The following CSMD1 variants were observed in gnomAD, a reference collection of about 807,000 sequenced individuals.
CSMD1 encodes the protein CUB and Sushi multiple domains 1, also known as CUB and sushi domain-containing protein 1.
Under a neutral mutation model 417.5 loss-of-function variants are expected in CSMD1, and 213 were observed. That is an observed-to-expected ratio of 0.51 (90% confidence interval 0.46 to 0.57). CSMD1 has a LOEUF of 0.57. Ranked by LOEUF, CSMD1 falls within the 20% of genes least tolerant of loss-of-function variation. CSMD1 has a pLI of 0.00. For synonymous variants in CSMD1, 2,862 were observed against 1,736.8 expected, an observed-to-expected ratio of 1.65 and a Z score of -16.11; for missense variants, 6,923 against 4,529.7, an observed-to-expected ratio of 1.53 and a Z score of -15.17.
intron 1 of CSMD1, among the ~76,000 whole-genome samples, chr8:4,826,379 A>G (rs764958580): frequency 8.5e-5 from 13 of 152,258 alleles, no homozygotes; most frequent in Admixed American, 3.3e-4. Context: ...AAAAGACGCA[A>G]TCCTGCATAT....
chr8:3,268,797 T>G (rs1801625639), intron 26 of CSMD1, among the ~76,000 whole-genome samples: 2 of 152,282 alleles, frequency 1.3e-5, no homozygotes, highest in African/African-American at 4.8e-5. Context: ...TCAGAAAATT[T>G]TATGCCCAGG....
chr8:4,960,582 G>A (rs1005715972), intron 1 of CSMD1, among the ~76,000 whole-genome samples: 1 of 152,160 alleles, frequency 6.6e-6, no homozygotes, highest in Non-Finnish European at 1.5e-5. Flanking sequence ...ATACACAATA[G>A]ATAGAATAAT....
chr8:4,425,404 C>A (rs951943445), intron 2 of CSMD1, among the ~76,000 whole-genome samples: 6 of 150,224 alleles, frequency 4.0e-5, no homozygotes, highest in Non-Finnish European at 8.9e-5. Flanking sequence ...AAAATAGAGT[C>A]CAACATTAGT....
At chr8:3,496,019 G>C (rs71521867) in intron 10 of CSMD1, among the ~76,000 whole-genome samples, 8,397 of 152,168 alleles carry the variant, frequency 0.055, 263 homozygotes, top group African/African-American at 0.082. Flanking sequence ...TAGGTATTAA[G>C]CCCAGCATGC....
chr8:3,843,468 A>C (rs1469273779), intron 5 of CSMD1, among the ~76,000 whole-genome samples: 1 of 152,208 alleles, frequency 6.6e-6, no homozygotes, highest in Non-Finnish European at 1.5e-5. Flanking sequence ...CAAAATGACA[A>C]ATTACACTCG....
At chr8:4,310,753 G>C (rs1018383737) in intron 3 of CSMD1, among the ~76,000 whole-genome samples, 3 of 152,260 alleles carry the variant, frequency 2.0e-5, no homozygotes, top group East Asian at 1.9e-4. Flanking sequence ...CCAGCATGGA[G>C]AGGGAGACTG....
At chr8:4,606,621 G>C (rs544522534) in intron 2 of CSMD1, among the ~76,000 whole-genome samples, 4 of 152,260 alleles carry the variant, frequency 2.6e-5, no homozygotes, top group African/African-American at 9.6e-5. Context: ...GCAAAACGGA[G>C]ACAAATATGG....
intron 3 of CSMD1, among the ~76,000 whole-genome samples, chr8:4,135,753 G>T (rs1024070811): frequency 1.3e-5 from 2 of 152,084 alleles, no homozygotes; most frequent in African/African-American, 4.8e-5. Flanking sequence ...GAATTGCTGT[G>T]TAAACTAGAA....
chr8:3,210,374 G>T (rs368803874), intron 30 of CSMD1, among the ~76,000 whole-genome samples: 25 of 41,250 alleles, frequency 6.1e-4, no homozygotes, highest in African/African-American at 1.9e-3. Context: ...TTCAGACATG[G>T]AAACTGAAAC....
chr8:3,083,360 A>T (rs1190630874), intron 49 of CSMD1, among the ~76,000 whole-genome samples: 1 of 151,684 alleles, frequency 6.6e-6, no homozygotes, highest in Non-Finnish European at 1.5e-5. Flanking sequence ...TTTTAACACC[A>T]GAGGAAAAGA....
intron 5 of CSMD1, among the ~76,000 whole-genome samples, chr8:3,891,420 C>T (rs765807237): frequency 1.3e-5 from 2 of 152,178 alleles, no homozygotes; most frequent in Middle Eastern, 3.4e-3. Flanking sequence ...TGGCTCACGC[C>T]TACAAACCCA....
At chr8:4,854,597 T>C (rs1312787279) in intron 1 of CSMD1, among the ~76,000 whole-genome samples, 2 of 152,154 alleles carry the variant, frequency 1.3e-5, no homozygotes, top group Admixed American at 6.5e-5. Context: ...ATTGCCTCAC[T>C]TGGGAAGCGG....
intron 5 of CSMD1, among the ~76,000 whole-genome samples, chr8:3,969,363 G>A (rs1033120626): frequency 6.6e-6 from 1 of 152,176 alleles, no homozygotes; most frequent in Non-Finnish European, 1.5e-5. Flanking sequence ...ATCACAGAAT[G>A]CTCAGAAGCT....
chr8:3,989,393 A>G (rs531174655), intron 5 of CSMD1, among the ~76,000 whole-genome samples: 3 of 152,312 alleles, frequency 2.0e-5, no homozygotes, highest in Admixed American at 6.5e-5. Flanking sequence ...TGAAAAAACG[A>G]CAGAGGACAT....
At chr8:3,678,591 G>C (rs1403682566) in intron 7 of CSMD1, among the ~76,000 whole-genome samples, 1 of 152,154 alleles carries the variant, frequency 6.6e-6, no homozygotes, top group Non-Finnish European at 1.5e-5. Flanking sequence ...GGGGAGAATG[G>C]AAACAAGTTG....
intron 5 of CSMD1, among the ~76,000 whole-genome samples, chr8:3,930,747 G>C (rs1471797327): frequency 2.7e-5 from 4 of 150,404 alleles, no homozygotes; most frequent in African/African-American, 9.8e-5. Flanking sequence ...TTATGTTCAA[G>C]TGCTACTTCT....
Position 3,753,997 on chromosome 8 carries a change from A to G in CSMD1, c.864T>C (p.Asn288=), listed in dbSNP as rs1797513964. The G allele has an allele frequency of 2.5e-6, 4 of 1,613,344 alleles. No individual in the cohort carries two copies. Among genetic ancestry groups the G allele is most frequent in the Non-Finnish European group, 3.4e-6 (4 of 1,179,508 alleles). Residue 288 remains asparagine (N), a synonymous_variant, in exon 6 of 70, where the codon AAT becomes AAC. Coordinates refer to ENST00000635120, the MANE Select transcript of CSMD1 (RefSeq NM_033225.6). Reference sequence around the variant, plus strand: ...CAGAGGTGAAATGGAGTCGTAGCCAATTCTTGCTACTGATAACTGGAGAGG... The same window carrying G: ...CAGAGGTGAAATGGAGTCGTAGCCAGTTCTTGCTACTGATAACTGGAGAGG... ...NLPSPVISSK[N]WLRLHFTSDS...
intron 10 of CSMD1, among the ~76,000 whole-genome samples, chr8:3,494,053 T>A (rs13260819): frequency 0.051 from 7,743 of 152,282 alleles, 215 homozygotes; most frequent in Middle Eastern, 0.082. Flanking sequence ...AAATCAATAT[T>A]AGCAAAAGAA....
chr8:3,682,073 A>G (rs947750937), intron 7 of CSMD1, among the ~76,000 whole-genome samples: 2 of 152,202 alleles, frequency 1.3e-5, no homozygotes, highest in Non-Finnish European at 2.9e-5. Flanking sequence ...TGTTAGACCT[A>G]AAATCGTAAA....
Sources: gnomAD v4.1 joint callset for allele counts (sites outside exome capture counted in the v4.1 genomes callset) on GRCh38, gnomAD v4.1.1 for gene constraint, MANE v1.5 for transcripts, NCBI Gene and HGNC (gene_info 2026-07-23, HGNC 2026-07-21) for gene names.